Variants in ACYP2 observed in about 807,000 individuals in gnomAD.
ACYP2 encodes the protein acylphosphatase 2.
In ACYP2, 12 loss-of-function variants were observed where a neutral mutation model predicts 11.2. The ratio of observed to expected loss-of-function variants is 1.08; its 90% CI spans 0.69 to 1.74. The LOEUF is 1.74. Among genes scored for constraint, ACYP2 ranks in the 40% most tolerant of loss-of-function variants. ACYP2 has a pLI of 0.00. For synonymous variants in ACYP2, 43 were observed against 32.2 expected (o/e 1.33, Z -1.13); for missense variants, 134 against 101.9 (o/e 1.31, Z -1.35).
intron 2 of ACYP2, among the ~76,000 whole-genome samples, chr2:53,996,641 G>A (rs533514678): frequency 1.2e-4 from 19 of 152,264 alleles, no homozygotes; most frequent in African/African-American, 4.6e-4. Flanking sequence ...GATTCCAAAG[G>A]TGCTGCAGCT....
At chr2:54,282,853 G>C (rs1231632221) in intron 6 of ACYP2, among the ~76,000 whole-genome samples, 12 of 152,106 alleles carry the variant, frequency 7.9e-5, no homozygotes, top group Admixed American at 7.9e-4. Flanking sequence ...GCACAGGAAA[G>C]GTGTGAAAGA....
intron 2 of ACYP2, among the ~76,000 whole-genome samples, chr2:53,990,674 AAAAG>A (rs1436467180): frequency 6.6e-6 from 1 of 150,592 alleles, no homozygotes; most frequent in African/African-American, 2.4e-5. Flanking sequence ...AAAAGAAAAA[AAAAG>A]AAAAAGAATC....
intron 2 of ACYP2, among the ~76,000 whole-genome samples, chr2:54,033,263 C>T (rs954781748): frequency 2.0e-5 from 3 of 151,290 alleles, no homozygotes; most frequent in South Asian, 4.2e-4. Context: ...AGTGGTCTAA[C>T]CAAGGCTCAC....
chr2:54,257,420 C>T (rs1687606467), intron 6 of ACYP2, among the ~76,000 whole-genome samples: 1 of 152,162 alleles, frequency 6.6e-6, no homozygotes, highest in African/African-American at 2.4e-5. Context: ...TGACATAAAT[C>T]ATTGGCTACA....
intron 6 of ACYP2, among the ~76,000 whole-genome samples, chr2:54,210,137 G>C (rs1685268387): frequency 1.1e-5 from 1 of 92,434 alleles, no homozygotes; most frequent in Non-Finnish European, 1.9e-5. Context: ...ATGAGACTGT[G>C]TCTCAAAAAA....
chr2:54,183,226 AT>A (rs1204982922), intron 6 of ACYP2, among the ~76,000 whole-genome samples: 2 of 152,254 alleles, frequency 1.3e-5, no homozygotes, highest in African/African-American at 4.8e-5. Flanking sequence ...ATAAAAAATG[AT>A]TGAATTTAAT....
chr2:54,241,769 T>C (rs545341934), intron 6 of ACYP2, among the ~76,000 whole-genome samples: 20 of 152,326 alleles, frequency 1.3e-4, no homozygotes, highest in Admixed American at 1.3e-3. Context: ...TCCCAGCACT[T>C]TGGGAGGCCA....
chr2:54,281,731 A>G (rs1289090236), intron 6 of ACYP2, among the ~76,000 whole-genome samples: 9 of 152,210 alleles, frequency 5.9e-5, no homozygotes, highest in Admixed American at 5.2e-4. Flanking sequence ...TAGGAAGGAG[A>G]TCTTGATTAT....
intron 6 of ACYP2, among the ~76,000 whole-genome samples, chr2:54,288,971 A>T (rs970608484): frequency 1.1e-4 from 17 of 152,082 alleles, no homozygotes; most frequent in Admixed American, 7.2e-4. Flanking sequence ...CAAGCTTTTA[A>T]TTCTATTCAA....
intron 3 of ACYP2, among the ~76,000 whole-genome samples, chr2:54,053,428 T>G (rs1675966029): frequency 6.6e-6 from 1 of 152,194 alleles, no homozygotes; most frequent in African/African-American, 2.4e-5. Flanking sequence ...GCAGCCCAAC[T>G]CACTCTGCAC....
intron 2 of ACYP2, among the ~76,000 whole-genome samples, chr2:54,050,013 G>C (rs895978268): frequency 6.6e-6 from 1 of 152,166 alleles, no homozygotes; most frequent in Non-Finnish European, 1.5e-5. Context: ...GGCCTTCTCA[G>C]TGGACAGTTA....
In ACYP2 at chr2:54,007,244, T is replaced by C. The variant is rs1470421466; in HGVS notation, c.62+33434T>C. 1.7e-4 allele frequency among the ~76,000 whole-genome samples: 25 copies of C among 146,424 alleles called. No homozygotes were observed. In the Admixed American group the frequency reaches 1.7e-3, roughly 10 times the overall value. Reference sequence around the variant, plus strand: ...TCAGGCCCCTCCCATCATCCTAATTTCATGGTTTTTCTTTTTTTTTTTTTT... The same window carrying C: ...TCAGGCCCCTCCCATCATCCTAATTCCATGGTTTTTCTTTTTTTTTTTTTT... On this transcript the variant is annotated intron_variant, in intron 2 of 6. Transcript: ENST00000607452.
intron 2 of ACYP2, among the ~76,000 whole-genome samples, chr2:54,033,773 C>A (rs1674722713): frequency 6.6e-6 from 1 of 152,138 alleles, no homozygotes; most frequent in Non-Finnish European, 1.5e-5. Flanking sequence ...ATGGCTGTTG[C>A]CATAATCCAG....
chr2:54,091,423 G>A (rs1335320317), intron 4 of ACYP2, among the ~76,000 whole-genome samples: 1 of 151,778 alleles, frequency 6.6e-6, no homozygotes, highest in Non-Finnish European at 1.5e-5. Context: ...TTCTTTAATG[G>A]CCTCTGCAGA....
At chr2:54,212,363 T>G (rs970835888) in intron 6 of ACYP2, among the ~76,000 whole-genome samples, 3 of 152,186 alleles carry the variant, frequency 2.0e-5, no homozygotes, top group Admixed American at 6.5e-5. Context: ...ACATAGAATT[T>G]CTGCTTTTCA....
At chr2:54,201,612 C>CTTTCTTTCTTTCTTTCTT (rs1684787349) in intron 6 of ACYP2, among the ~76,000 whole-genome samples, 1 of 77,762 alleles carries the variant, frequency 1.3e-5, no homozygotes, top group Admixed American at 1.2e-4. Flanking sequence ...TTCTTTCTTT[C>CTTTCTTTCTTTCTTTCTT]TTTCTTTCTT....
chr2:53,973,313 G>C lies in ACYP2; in HGVS notation c.-36-400G>C, dbSNP rs1671264088. The stretch of plus-strand genomic sequence containing the variant: ...TGGACAACCTTTTAAAAAATAATGG[G>C]GTAGGGAGAGCCGGAAAGAGATGAG... On this transcript the variant is annotated intron_variant, in intron 1 of 6. Transcript: ENST00000607452. Among the ~76,000 whole-genome samples the C allele has an allele frequency of 1.3e-5, 2 of 152,126 alleles. 1 individual carries two copies. Among genetic ancestry groups the C allele is most frequent in the South Asian group, 4.1e-4 (2 of 4,830 alleles).
intron 3 of ACYP2, among the ~76,000 whole-genome samples, chr2:54,052,289 A>ACG (rs1490182600): frequency 6.6e-6 from 1 of 152,090 alleles, no homozygotes; most frequent in Non-Finnish European, 1.5e-5. Flanking sequence ...ATACCGTGTC[A>ACG]TTTTTTGTAT....
At chr2:54,147,751 C>T (rs116459171) in intron 6 of ACYP2, among the ~76,000 whole-genome samples, 1,539 of 152,232 alleles carry the variant, frequency 0.01, 32 homozygotes, top group African/African-American at 0.035. Context: ...TCTTCAACTC[C>T]TGGCCTCAAG....
Sources: gnomAD v4.1 joint callset for allele counts (sites outside exome capture counted in the v4.1 genomes callset) on GRCh38, gnomAD v4.1.1 for gene constraint, MANE v1.5 for transcripts, NCBI Gene and HGNC (gene_info 2026-07-23, HGNC 2026-07-21) for gene names.